Variants in GRM5 observed in about 807,000 individuals in gnomAD.
GRM5 encodes metabotropic glutamate receptor 5.
GRM5 carries 19 observed loss-of-function variants against 83.1 expected under a neutral mutation model. That is an observed-to-expected ratio of 0.23 (90% CI 0.16 to 0.34). The LOEUF (loss-of-function observed/expected upper bound fraction) is 0.34, where lower values mean the gene tolerates loss of function less well. GRM5 is among the 10% of genes least tolerant of loss of function. GRM5 has a pLI of 1.00. For missense variants in GRM5, 1,160 were observed against 1,588.3 expected (o/e 0.73, Z 4.58); for synonymous variants, 675 against 633.6 (o/e 1.07, Z -0.98).
chr11:88,988,983 A>G (rs1939856729), intron 2 of GRM5, among the ~76,000 whole-genome samples: 1 of 150,614 alleles, frequency 6.6e-6, no homozygotes. Context: ...TAACATCATA[A>G]TGACAGGATC....
chr11:88,588,400 C>T lies in GRM5; in HGVS notation c.1690+2201G>A, dbSNP rs146909045. 7.3e-3 allele frequency among the ~76,000 whole-genome samples: 1,117 copies of T among 152,100 alleles called. 11 individuals are homozygous for T. Among genetic ancestry groups the T allele is most frequent in the African/African-American group, 0.026 (1,079 of 41,498 alleles). On this transcript the variant is annotated intron_variant, in intron 7 of 9. Transcript: ENST00000305447. ...TGCCATTCCTGTCATTAAAAAAAGA[C>T]CTGAATTCTTCCTGAAAAAATAGCA...
At chr11:88,693,353 T>C (rs1940826396) in intron 3 of GRM5, among the ~76,000 whole-genome samples, 1 of 152,022 alleles carries the variant, frequency 6.6e-6, no homozygotes, top group Non-Finnish European at 1.5e-5. Flanking sequence ...AGTGAGGAGA[T>C]AGGAAAGGGA....
intron 8 of GRM5, among the ~76,000 whole-genome samples, chr11:88,551,477 C>T (rs1314323143): frequency 2.0e-5 from 3 of 152,164 alleles, no homozygotes; most frequent in Admixed American, 1.3e-4. Flanking sequence ...TATTAATTTT[C>T]CCTGATAGTA....
chr11:88,700,661 T>G (rs1267834765), intron 3 of GRM5, among the ~76,000 whole-genome samples: 1 of 152,154 alleles, frequency 6.6e-6, no homozygotes, highest in Non-Finnish European at 1.5e-5. Context: ...CATAGAGTAA[T>G]CTACCACCAT....
intron 8 of GRM5, among the ~76,000 whole-genome samples, chr11:88,546,382 A>C (rs1420577193): frequency 1.3e-5 from 2 of 152,176 alleles, no homozygotes; most frequent in African/African-American, 4.8e-5. Context: ...TCTGGCACAC[A>C]GCATATTCTC....
At chr11:89,005,426 G>T (rs530049963) in intron 2 of GRM5, among the ~76,000 whole-genome samples, 1 of 152,250 alleles carries the variant, frequency 6.6e-6, no homozygotes, top group East Asian at 1.9e-4. Flanking sequence ...TCAAGCTAGG[G>T]TCAGGAAAGT....
At chr11:88,915,858 GT>G (rs1945581459) in intron 2 of GRM5, among the ~76,000 whole-genome samples, 1 of 152,128 alleles carries the variant, frequency 6.6e-6, no homozygotes, top group Non-Finnish European at 1.5e-5. Flanking sequence ...CTTAAGAACA[GT>G]TTTTTAGTCT....
chr11:88,875,303 T>C (rs902115640), intron 2 of GRM5, among the ~76,000 whole-genome samples: 10 of 152,144 alleles, frequency 6.6e-5, no homozygotes, highest in African/African-American at 1.9e-4. Context: ...ATTCTTTGCT[T>C]ATCTATTAGA....
chr11:88,869,230 T>A (rs1944721955), intron 2 of GRM5, among the ~76,000 whole-genome samples: 1 of 151,664 alleles, frequency 6.6e-6, no homozygotes, highest in South Asian at 2.1e-4. Flanking sequence ...GTCCTATCTA[T>A]TCCTATTTCA....
At chr11:88,635,710 G>A (rs1437186619) in intron 4 of GRM5, among the ~76,000 whole-genome samples, 1 of 151,884 alleles carries the variant, frequency 6.6e-6, no homozygotes, top group African/African-American at 2.4e-5. Context: ...GTCTATTTTT[G>A]TTTTCATTGC....
intron 5 of GRM5, among the ~76,000 whole-genome samples, chr11:88,598,274 G>C (rs778991455): frequency 2.4e-4 from 37 of 152,106 alleles, no homozygotes; most frequent in Non-Finnish European, 4.7e-4. Context: ...AAACTGATAT[G>C]AATGGAAAAT....
chr11:88,525,141 G>A (rs1941835487), intron 9 of GRM5, among the ~76,000 whole-genome samples, 168 bp downstream of exon 9: 1 of 152,190 alleles, frequency 6.6e-6, no homozygotes, highest in Non-Finnish European at 1.5e-5. Context: ...ACATGAGGGT[G>A]TCATAGGTTT....
At chr11:88,882,060 AG>A (rs201349786) in intron 2 of GRM5, among the ~76,000 whole-genome samples, 3,846 of 151,920 alleles carry the variant, frequency 0.025, 174 homozygotes, top group African/African-American at 0.089. Flanking sequence ...TGGTCAACAC[AG>A]GGAAACCCCA....
Position 88,876,232 on chromosome 11 carries a change from G to A in GRM5, c.662-26077C>T, listed in dbSNP as rs377596733. ...TTGCTACTTTACCTTGCACTTTTAG[G>A]TTATAGAGATGGCTACTTTCCTTAC... is the stretch of plus-strand genomic sequence containing the variant. On this transcript the variant is annotated intron_variant, in intron 2 of 9. Coordinates refer to ENST00000305447, the MANE Select transcript of GRM5 (RefSeq NM_001143831.3). 7.4e-4 allele frequency among the ~76,000 whole-genome samples: 113 copies of A among 152,140 alleles called. 1 individual carries two copies. The highest frequency in any genetic ancestry group is 3.4e-3 in the Middle Eastern group (1 of 294).
chr11:88,840,408 T>TCTA (rs1393031922), intron 3 of GRM5, among the ~76,000 whole-genome samples: 3 of 152,304 alleles, frequency 2.0e-5, no homozygotes, highest in African/African-American at 7.2e-5. Context: ...TTCTGTTAAT[T>TCTA]CTTGTAGTGT....
intron 3 of GRM5, among the ~76,000 whole-genome samples, chr11:88,692,790 G>A (rs989883127): frequency 6.6e-6 from 1 of 152,170 alleles, no homozygotes; most frequent in Non-Finnish European, 1.5e-5. Flanking sequence ...TGGGGGTATT[G>A]CCACTTCTGA....
chr11:88,707,564 T>A (rs537755552), intron 3 of GRM5, among the ~76,000 whole-genome samples: 2 of 152,108 alleles, frequency 1.3e-5, no homozygotes, highest in Non-Finnish European at 2.9e-5. Flanking sequence ...CTAGAAATAA[T>A]TTAAAGTAGA....
intron 3 of GRM5, among the ~76,000 whole-genome samples, chr11:88,711,220 C>A (rs1181409066): frequency 6.6e-6 from 1 of 152,008 alleles, no homozygotes; most frequent in African/African-American, 2.4e-5. Context: ...ACACAGACAG[C>A]CCTACAGGAA....
intron 3 of GRM5, among the ~76,000 whole-genome samples, chr11:88,747,042 A>C (rs2135422839): frequency 6.6e-6 from 1 of 152,346 alleles, no homozygotes; most frequent in Non-Finnish European, 1.5e-5. Flanking sequence ...TGTGAGTATA[A>C]TATTGTCATT....
Sources: allele counts gnomAD v4.1 joint callset (sites outside exome capture counted in the v4.1 genomes callset), GRCh38; gene constraint gnomAD v4.1.1; transcripts MANE v1.5; gene names NCBI Gene and HGNC (gene_info 2026-07-23, HGNC 2026-07-21).